Variants in MARCHF6 observed in about 807,000 individuals in gnomAD.
MARCHF6 encodes the protein membrane associated ring-CH-type finger 6.
MARCHF6 carries 31 observed loss-of-function variants against 133.7 expected under a neutral mutation model. The observed-to-expected ratio is 0.23, with a 90% confidence interval of 0.17 to 0.31. MARCHF6 has a LOEUF of 0.31. MARCHF6 is among the 10% of genes least tolerant of loss of function. The probability of loss-of-function intolerance (pLI) is 1.00; values close to 1 mark genes in which losing one functional copy is unlikely to be tolerated. For missense variants in MARCHF6, 723 were observed against 1,121.6 expected (o/e 0.64, Z 5.08); for synonymous variants, 395 against 402.5 (o/e 0.98, Z 0.22).
At chr5:10,394,652 T>C in intron 8 of MARCHF6, 101 bp from the exon 9 acceptor site, 1 of 848,884 alleles carries the variant, frequency 1.2e-6, no homozygotes, top group Non-Finnish European at 1.9e-6. Flanking sequence ...GGGTGAGGAC[T>C]GTGTTTAAAG....
At chr5:10,355,104 G>A (rs952461698) in intron 1 of MARCHF6, among the ~76,000 whole-genome samples, 1 of 152,202 alleles carries the variant, frequency 6.6e-6, no homozygotes, top group Non-Finnish European at 1.5e-5. Context: ...GCTTGTCGAA[G>A]CTTTACACAG....
intron 25 of MARCHF6, among the ~76,000 whole-genome samples, chr5:10,431,327 C>T (rs907424019): frequency 1.3e-5 from 2 of 152,180 alleles, no homozygotes; most frequent in African/African-American, 2.4e-5. Context: ...ACAAGCAAGA[C>T]GTGCCCTCAG....
At chr5:10,360,134 ATG>A (rs1286393492) in intron 1 of MARCHF6, among the ~76,000 whole-genome samples, 2 of 131,514 alleles carry the variant, frequency 1.5e-5, no homozygotes, top group Non-Finnish European at 3.2e-5. Context: ...CAAAAGTTGT[ATG>A]TGTGTGTGTT....
rs60433364 is a variant in MARCHF6, at chr5:10,389,411, CTTTTT to C, written c.408-916_408-912del. Among the ~76,000 whole-genome samples the C allele has an allele frequency of 2.4e-4, 37 of 151,346 alleles. 1 individual carries two copies. The East Asian group carries it at 7.0e-3, about 28-fold the overall frequency. On this transcript the variant is annotated intron_variant, in intron 5 of 25. Coordinates refer to ENST00000274140, the MANE Select transcript of MARCHF6 (RefSeq NM_005885.4). Reference sequence around the variant, plus strand: ...GGTTTGCTTTCTAAATGAAAAATTTCTTTTTTTTTGAGATGGAGTCTCACTCTGTA... The same window carrying C: ...GGTTTGCTTTCTAAATGAAAAATTTCTTTTGAGATGGAGTCTCACTCTGTA...
intron 8 of MARCHF6, 52 bp downstream of exon 8, chr5:10,394,195 T>A: frequency 8.1e-7 from 1 of 1,240,112 alleles, no homozygotes; most frequent in Non-Finnish European, 1.1e-6. Flanking sequence ...AAAATATATT[T>A]TAAACTTTGG....
chr5:10,375,912 G>A (rs1410073278), intron 1 of MARCHF6, among the ~76,000 whole-genome samples: 1 of 152,066 alleles, frequency 6.6e-6, no homozygotes, highest in South Asian at 2.1e-4. Flanking sequence ...GCTCTGGTGG[G>A]GCCTTGGAGA....
chr5:10,412,931 A>C (rs1223170625), intron 19 of MARCHF6, among the ~76,000 whole-genome samples: 1 of 152,008 alleles, frequency 6.6e-6, no homozygotes, highest in African/African-American at 2.4e-5. Context: ...GAACAAGGGG[A>C]GAGATGAGGG....
At position 10,440,051 on chromosome 5, in the gene MARCHF6, CTT is replaced by C. The variant is rs1740799181; in HGVS notation, c.*6370_*6371del. On this transcript the variant is annotated 3_prime_UTR_variant, in exon 26 of 26. Transcript: ENST00000274140. ...TGCTGTATTTTGTACTCCCGGCTCTCTTTTGTACTTTTAAACATACTATATGG... is the reference window on the plus strand; with the variant it reads ...TGCTGTATTTTGTACTCCCGGCTCTCTTGTACTTTTAAACATACTATATGG... 2.0e-5 allele frequency: 3 copies of C among 152,230 alleles called. No homozygotes were observed. The highest frequency in any genetic ancestry group is 6.5e-5 in the Admixed American group (1 of 15,280). 9.4% of individuals were successfully genotyped at this position (152,230 alleles called of 1,614,324 possible).
At chr5:10,369,603 A>AC (rs58947018) in intron 1 of MARCHF6, among the ~76,000 whole-genome samples, 2,982 of 26,432 alleles carry the variant, frequency 0.11, 274 homozygotes, top group East Asian at 0.39. Context: ...TAGTTCCATT[A>AC]CCCCCCCCCC....
chr5:10,419,373 A>G (rs777253948), intron 22 of MARCHF6, among the ~76,000 whole-genome samples: 3 of 152,302 alleles, frequency 2.0e-5, no homozygotes, highest in African/African-American at 7.2e-5. Flanking sequence ...TTGCCCAACT[A>G]TAGGCTAATG....
intron 1 of MARCHF6, 192 bp downstream of exon 1, chr5:10,354,109 C>T (rs952809053): frequency 2.4e-6 from 1 of 417,592 alleles, no homozygotes; most frequent in African/African-American, 2.1e-5. Context: ...GTTTCCCGCC[C>T]GCGCCGCCGA....
chr5:10,406,772 C>G (rs1738917455), intron 16 of MARCHF6, among the ~76,000 whole-genome samples: 1 of 152,142 alleles, frequency 6.6e-6, no homozygotes, highest in African/African-American at 2.4e-5. Flanking sequence ...TAGCTGGTTA[C>G]AAGTGATTTA....
intron 1 of MARCHF6, among the ~76,000 whole-genome samples, chr5:10,362,477 A>G (rs1735885476): frequency 6.6e-6 from 1 of 152,240 alleles, no homozygotes; most frequent in African/African-American, 2.4e-5. Context: ...ACTTTTGTTT[A>G]TGTGGGTTTT....
chr5:10,367,927 A>G (rs967220941), intron 1 of MARCHF6, among the ~76,000 whole-genome samples: 2 of 152,214 alleles, frequency 1.3e-5, no homozygotes, highest in African/African-American at 4.8e-5. Context: ...GAGCTTTGCC[A>G]TATTGTTTCT....
intron 4 of MARCHF6, among the ~76,000 whole-genome samples, chr5:10,386,085 A>G (rs1486615505): frequency 1.3e-5 from 2 of 151,968 alleles, no homozygotes; most frequent in Non-Finnish European, 2.9e-5. Context: ...TTGCACATGA[A>G]TCCATTTACC....
At chr5:10,423,971 T>TTA in intron 23 of MARCHF6, 147 bp downstream of exon 23, 1 of 466,458 alleles carries the variant, frequency 2.1e-6, no homozygotes. Flanking sequence ...TTTTTTTTTT[T>TTA]AAAGACAGCA....
In MARCHF6 at chr5:10,353,722, C is replaced by T. The variant is rs1235916287; in HGVS notation, c.-177C>T. ...TCCCGCCCCTCCCCCTCCCGTGTCG[C>T]TCGCTTTCTGTCAGCCTCTCTCCCT... On this transcript the variant is annotated 5_prime_UTR_variant, in exon 1 of 26. Coordinates refer to ENST00000274140, the MANE Select transcript of MARCHF6 (RefSeq NM_005885.4). 6.2e-6 allele frequency: 2 copies of T among 321,682 alleles called. No homozygotes were observed. Among genetic ancestry groups the T allele is most frequent in the African/African-American group, 2.2e-5 (1 of 44,536 alleles). 19.9% of individuals were successfully genotyped at this position (321,682 alleles called of 1,614,324 possible).
Position 10,369,627 on chromosome 5 carries a change from C to G in MARCHF6, c.20-8171C>G, listed in dbSNP as rs141142992. Among the ~76,000 whole-genome samples, 51 of 107,336 alleles carry G rather than the reference C, an allele frequency of 4.8e-4. 1 individual carries two copies. The East Asian group carries it at 0.017, about 35-fold the overall frequency. The allele number at this position is 107,336 out of a possible 152,430, so 70.4% of individuals were successfully genotyped here. The stretch of plus-strand genomic sequence containing the variant: ...TACCCCCCCCCCCCCTTGCAAATAT[C>G]CTTTACCCTTTTATGGTCAACTTTG... On this transcript the variant is annotated intron_variant, in intron 1 of 25. Coordinates refer to ENST00000274140, the MANE Select transcript of MARCHF6 (RefSeq NM_005885.4).
intron 1 of MARCHF6, among the ~76,000 whole-genome samples, chr5:10,365,218 G>A (rs774029404): frequency 5.9e-5 from 9 of 152,182 alleles, no homozygotes; most frequent in African/African-American, 9.7e-5. Context: ...AACAGTACAG[G>A]TGAATTTTTA....
Sources: gnomAD v4.1 joint callset for allele counts (sites outside exome capture counted in the v4.1 genomes callset) on GRCh38, gnomAD v4.1.1 for gene constraint, MANE v1.5 for transcripts, NCBI Gene and HGNC (gene_info 2026-07-23, HGNC 2026-07-21) for gene names.